The following ZNF337 variants were observed in gnomAD, a reference collection of about 807,000 sequenced individuals.
ZNF337 encodes zinc finger protein 337.
Under a neutral mutation model 12.1 loss-of-function variants are expected in ZNF337, and 8 were observed. That is an observed-to-expected ratio of 0.66 (90% CI 0.39 to 1.19). The LOEUF (loss-of-function observed/expected upper bound fraction) is 1.19. Among genes scored for constraint, ZNF337 ranks in the 50% most tolerant of loss-of-function variants. ZNF337 has a pLI of 0.01. For synonymous variants in ZNF337, 336 were observed against 320.0 expected (o/e 1.05, Z -0.53); for missense variants, 882 against 896.6 (o/e 0.98, Z 0.21).
In ZNF337 at chr20:25,675,913, G is replaced by C; in HGVS notation, c.1375C>G (p.Pro459Ala). 3 of 1,614,010 alleles carry C rather than the reference G, an allele frequency of 1.9e-6. No homozygotes were observed. Among genetic ancestry groups the C allele is most frequent in the South Asian group, 1.1e-5 (1 of 91,072 alleles). Residue 459 changes from proline (P) to alanine (A), a missense_variant, in exon 5 of 5, where the codon CCT becomes GCT. Physicochemically the swap from Pro to Ala is conservative, Grantham distance 27. Coordinates refer to ENST00000252979, the MANE Select transcript of ZNF337 (RefSeq NM_015655.4). ...CGTCCACAGTCCTTGCACACAAAAG[G>C]CTTCTCCTCTGAGTGTGTGATCTGA... ...KHQITHSEEKPFVCKDCGRGF... is the reference protein window; with the variant it reads ...KHQITHSEEKAFVCKDCGRGF...
chr20:25,680,224 G>A (rs1600437660), intron 4 of ZNF337, among the ~76,000 whole-genome samples: 1 of 152,046 alleles, frequency 6.6e-6, no homozygotes, highest in Non-Finnish European at 1.5e-5. Context: ...GCACAGTAGC[G>A]TGACTATAGT....
intron 4 of ZNF337, chr20:25,678,180 T>C (rs535440282): frequency 6.6e-6 from 1 of 152,160 alleles, no homozygotes; most frequent in Non-Finnish European, 1.5e-5. Context: ...AACTGATGAA[T>C]GATGTCAATA....
rs765716032 is a variant in ZNF337 at position 25,675,161 on chromosome 20, T to C, written c.2127A>G (p.Gly709=). 3 of 1,614,250 alleles carry C rather than the reference T, an allele frequency of 1.9e-6. No homozygotes were observed. Among genetic ancestry groups the C allele is most frequent in the Non-Finnish European group, 2.5e-6 (3 of 1,180,048 alleles). ...ACTCTTGGCATTCATAAGGCCTCTC[T>C]CCTGTGTGTATTCTTTCATGCACAG... ...DLTVHERIHT[G]ERPYECQECG... The change falls in exon 5 of 5, where the codon GGA becomes GGG. Residue 709 remains glycine, a synonymous_variant. Transcript: ENST00000252979.
chr20:25,677,911 T>C (rs2065723734), intron 4 of ZNF337: 2 of 152,126 alleles, frequency 1.3e-5, no homozygotes, highest in Non-Finnish European at 2.9e-5. Flanking sequence ...ATAGACAATA[T>C]GTTCCAAACC....
intron 1 of ZNF337, among the ~76,000 whole-genome samples, chr20:25,689,000 T>C (rs1221321528): frequency 6.7e-6 from 1 of 150,310 alleles, no homozygotes; most frequent in Non-Finnish European, 1.5e-5. Flanking sequence ...TAGCCGGGAG[T>C]GGTGGCGGCG....
Position 25,676,848 on chromosome 20 carries a change from TTCC to T in ZNF337, c.437_439del (p.Arg146del), listed in dbSNP as rs1569007418. ...ACTAGACTCTATTTCCACTACACTG[TTCC>T]TCCTCCTTGAGCTTACTGCATGTCT... On this transcript the variant is annotated inframe_deletion, in exon 5 of 5. Coordinates refer to ENST00000252979, the MANE Select transcript of ZNF337 (RefSeq NM_015655.4). The T allele has an allele frequency of 6.2e-7, 1 of 1,614,162 alleles. No homozygotes were observed. Among genetic ancestry groups the T allele is most frequent in the African/African-American group, 1.3e-5 (1 of 75,058 alleles).
chr20:25,676,870 C>A lies in ZNF337; in HGVS notation c.418G>T (p.Ala140Ser). Reference sequence around the variant, plus strand: ...CTGTTCCTCCTCCTTGAGCTTACTGCATGTCTTAGGGGTGGGCTGGAAAAT... The same window carrying A: ...CTGTTCCTCCTCCTTGAGCTTACTGAATGTCTTAGGGGTGGGCTGGAAAAT... ...MAFSSPPLRH[A>S]VSSRRRNSVV... is the part of the protein sequence containing the mutation. Residue 140 changes from alanine to serine, a missense_variant, in exon 5 of 5, where the codon GCA (alanine) becomes TCA (serine). By Grantham distance (99) the Ala-to-Ser change is moderately conservative. Coordinates refer to ENST00000252979, the MANE Select transcript of ZNF337 (RefSeq NM_015655.4). 1.1e-5 allele frequency: 17 copies of A among 1,614,158 alleles called. No homozygotes were observed. The highest frequency in any genetic ancestry group is 1.4e-5 in the Non-Finnish European group (17 of 1,180,028).
chr20:25,694,740 A>G (rs550542876), intron 1 of ZNF337, among the ~76,000 whole-genome samples: 14 of 152,254 alleles, frequency 9.2e-5, no homozygotes, highest in African/African-American at 3.4e-4. Context: ...CTCTTATATA[A>G]TGAGGCTCAC....
chr20:25,677,887 TA>T (rs2065723212), intron 4 of ZNF337: 1 of 152,078 alleles, frequency 6.6e-6, no homozygotes, highest in Non-Finnish European at 1.5e-5. Flanking sequence ...ACAGGAAACA[TA>T]TCTCAACATA....
Position 25,673,581 on chromosome 20 carries a change from C to T in ZNF337, c.*1451G>A, listed in dbSNP as rs965113274. Among the ~76,000 whole-genome samples, 2 of 152,140 alleles carry T rather than the reference C, an allele frequency of 1.3e-5. No individual in the cohort carries two copies. The highest frequency in any genetic ancestry group is 2.4e-5 in the African/African-American group (1 of 41,434). ...TTTTCAGGATCCCAGATTTTCCTTACGAAGGGTCTGACCTCTACAAAATAG... is the reference window on the plus strand; with the variant it reads ...TTTTCAGGATCCCAGATTTTCCTTATGAAGGGTCTGACCTCTACAAAATAG... On this transcript the variant is annotated 3_prime_UTR_variant, in exon 5 of 5. Transcript: ENST00000252979.
chr20:25,673,476 T>G lies in ZNF337; in HGVS notation c.*1556A>C, dbSNP rs555524948. Among the ~76,000 whole-genome samples, 1 of 152,150 alleles carries G rather than the reference T, an allele frequency of 6.6e-6. No individual in the cohort carries two copies. Among genetic ancestry groups the G allele is most frequent in the Non-Finnish European group, 1.5e-5 (1 of 68,016 alleles). On this transcript the variant is annotated 3_prime_UTR_variant, in exon 5 of 5. Transcript: ENST00000252979. ...GCTATTCCTAAGGAAGGATGGGCCATCTCTACACACCCAGATGGTCTGTGG... is the reference window on the plus strand; with the variant it reads ...GCTATTCCTAAGGAAGGATGGGCCAGCTCTACACACCCAGATGGTCTGTGG...
chr20:25,675,126 T>C lies in ZNF337; in HGVS notation c.2162A>G (p.Lys721Arg). Residue 721 changes from lysine (K) to arginine (R), a missense_variant, in exon 5 of 5, where the codon AAG becomes AGG. Coordinates refer to ENST00000252979, the MANE Select transcript of ZNF337 (RefSeq NM_015655.4). ...ACTGTAGTATGACTTATTGCTAAAC[T>C]TTCGTCCACACTCTTGGCATTCATA... ...RPYECQECGR[K>R]FSNKSYYSKH... 1 of 1,614,220 alleles carries C rather than the reference T, an allele frequency of 6.2e-7. No homozygotes were observed. The highest frequency in any genetic ancestry group is 8.5e-7 in the Non-Finnish European group (1 of 1,180,040).
intron 1 of ZNF337, among the ~76,000 whole-genome samples, chr20:25,692,578 T>A (rs2065890629): frequency 6.6e-6 from 1 of 152,094 alleles, no homozygotes; most frequent in African/African-American, 2.4e-5. Flanking sequence ...CATAGTAAAT[T>A]TGAAAAAAAT....
At chr20:25,696,504 G>A (rs900967207) in intron 1 of ZNF337, among the ~76,000 whole-genome samples, 3 of 152,114 alleles carry the variant, frequency 2.0e-5, no homozygotes, top group East Asian at 1.9e-4. Context: ...TTCACCGCCC[G>A]AGCCGCCACT....
rs73907617 is a variant in ZNF337, at chr20:25,695,704, G to A, written c.-50+1055C>T. Among the ~76,000 whole-genome samples the A allele has an allele frequency of 1.8e-3, 279 of 152,142 alleles. 2 individuals carry two copies. Among genetic ancestry groups the A allele is most frequent in the East Asian group, 0.011 (58 of 5,170 alleles). ...CCACAGGCATGGGACACCACGCCCC[G>A]CTAATTTTTTTATTTTTCTAATTTC... On this transcript the variant is annotated intron_variant, in intron 1 of 4. Transcript: ENST00000252979.
At chr20:25,681,827 A>G (rs1275304049) in intron 4 of ZNF337, among the ~76,000 whole-genome samples, 1 of 152,196 alleles carries the variant, frequency 6.6e-6, no homozygotes, top group African/African-American at 2.4e-5. Context: ...TTATAATACT[A>G]CTTATTGATA....
chr20:25,674,117 A>C lies in ZNF337; in HGVS notation c.*915T>G, dbSNP rs1858410630. The C allele has an allele frequency of 6.6e-6, 1 of 152,230 alleles. No homozygotes were observed. The highest frequency in any genetic ancestry group is 6.5e-5 in the Admixed American group (1 of 15,284). The allele number at this position is 152,230 out of a possible 1,614,324, so 9.4% of individuals were successfully genotyped here. A position where few individuals can be genotyped will look rare whatever the true frequency, so the allele number is the denominator to read the frequency against. ...AAGACCAATATGGGACTGCATATAC[A>C]GAGATTTTATTTCCAGATATGACTG... On this transcript the variant is annotated 3_prime_UTR_variant, in exon 5 of 5. Coordinates refer to ENST00000252979, the MANE Select transcript of ZNF337 (RefSeq NM_015655.4).
At chr20:25,677,177 C>T (rs1353133134) in intron 4 of ZNF337, 140 bp from the exon 5 acceptor site, 9 of 770,000 alleles carry the variant, frequency 1.2e-5, no homozygotes, top group Admixed American at 3.1e-5. Flanking sequence ...TCAAACTATT[C>T]CAAAAAATTG....
At chr20:25,686,252 G>T in intron 2 of ZNF337, 130 bp from the exon 3 acceptor site, 1 of 1,510,094 alleles carries the variant, frequency 6.6e-7, no homozygotes, top group Non-Finnish European at 9.1e-7. Context: ...GTCACCTGCT[G>T]GAGGACGCCA....
Sources: gnomAD v4.1 joint callset for allele counts (sites outside exome capture counted in the v4.1 genomes callset) on GRCh38, gnomAD v4.1.1 for gene constraint, MANE v1.5 for transcripts, NCBI Gene and HGNC (gene_info 2026-07-23, HGNC 2026-07-21) for gene names.